TPX2: variants seen among roughly 807,000 people sequenced by gnomAD.
The protein encoded by TPX2 is TPX2 microtubule nucleation factor.
In TPX2, 21 loss-of-function variants were observed where a neutral mutation model predicts 93.6. The observed-to-expected ratio is 0.22, with a 90% CI of 0.16 to 0.32. The LOEUF (loss-of-function observed/expected upper bound fraction) is 0.32. Ranked by LOEUF, TPX2 falls within the 10% of genes least tolerant of loss-of-function variation. TPX2 has a pLI of 1.00. For missense variants in TPX2, 776 were observed against 871.1 expected (o/e 0.89, Z 1.37); for synonymous variants, 281 against 298.3 (o/e 0.94, Z 0.60).
In TPX2 at chr20:31,775,859, C is replaced by T. The variant is rs2061993381; in HGVS notation, c.609-8C>T. The T allele has an allele frequency of 1.3e-6, 2 of 1,546,152 alleles. No homozygotes were observed. The highest frequency in any genetic ancestry group is 1.4e-5 in the African/African-American group (1 of 72,382). On this transcript the variant is annotated splice_polypyrimidine_tract_variant and splice_region_variant and intron_variant, in intron 7 of 17. Coordinates refer to ENST00000300403, the MANE Select transcript of TPX2 (RefSeq NM_012112.5). Reference sequence around the variant, plus strand: ...TCCTCTCTTCTCATTTACTGATTTTCTCTTTAGGCAGAAGTTTCTAAAAAG... The same window carrying T: ...TCCTCTCTTCTCATTTACTGATTTTTTCTTTAGGCAGAAGTTTCTAAAAAG...
chr20:31,797,503 A>C lies in TPX2; in HGVS notation c.1933A>C (p.Lys645Gln), dbSNP rs1439831198. ...QEPFVPKKEK[K>Q]SVAEGLSGSL... is the part of the protein sequence containing the mutation. ...GCCCTTTGTTCCCAAGAAAGAGAAG[A>C]AATCAGTTGCTGGTAGTATTATATG... Residue 645 changes from lysine to glutamine, a missense_variant, in exon 16 of 18, where the codon AAA becomes CAA. Coordinates refer to ENST00000300403, the MANE Select transcript of TPX2 (RefSeq NM_012112.5). The C allele has an allele frequency of 6.2e-7, 1 of 1,613,948 alleles. No individual in the cohort carries two copies. Among genetic ancestry groups the C allele is most frequent in the African/African-American group, 1.3e-5 (1 of 75,030 alleles).
chr20:31,790,984 G>A (rs937664103), intron 12 of TPX2, among the ~76,000 whole-genome samples: 2 of 152,134 alleles, frequency 1.3e-5, no homozygotes, highest in African/African-American at 4.8e-5. Context: ...AAAAGTGGAG[G>A]CTTGAAAAGA....
chr20:31,769,483 T>A (rs1235771525), intron 5 of TPX2, among the ~76,000 whole-genome samples: 1 of 152,008 alleles, frequency 6.6e-6, no homozygotes, highest in Non-Finnish European at 1.5e-5. Context: ...CACGCCTGGC[T>A]AATTTTTTTT....
chr20:31,777,027 C>T (rs2062004547), intron 8 of TPX2, among the ~76,000 whole-genome samples: 1 of 152,148 alleles, frequency 6.6e-6, no homozygotes, highest in Non-Finnish European at 1.5e-5. Flanking sequence ...CACAGTTCTG[C>T]TTTGCTCGGG....
chr20:31,748,445 T>A (rs937769120), intron 2 of TPX2, among the ~76,000 whole-genome samples: 11 of 152,198 alleles, frequency 7.2e-5, no homozygotes, highest in Non-Finnish European at 8.8e-5. Context: ...ATGGATTTTT[T>A]AAAAAATTTA....
At chr20:31,764,114 GTA>G (rs1205051854) in intron 4 of TPX2, among the ~76,000 whole-genome samples, 7 of 113,588 alleles carry the variant, frequency 6.2e-5, no homozygotes, top group African/African-American at 3.1e-4. Context: ...TAATATACAT[GTA>G]TGTGTGTATA....
chr20:31,744,048 T>G (rs568737495), intron 2 of TPX2, among the ~76,000 whole-genome samples: 1 of 152,052 alleles, frequency 6.6e-6, no homozygotes, highest in Admixed American at 6.6e-5. Flanking sequence ...CCAAATATTT[T>G]TGATCTGCAG....
In TPX2 at chr20:31,786,667, G is replaced by T. The variant is rs571038486; in HGVS notation, c.1413+2746G>T. On this transcript the variant is annotated intron_variant, in intron 12 of 17. Transcript: ENST00000300403. ...AATCCACCTGCCTTGGCCTCCCAAA[G>T]TGCTAGGATAGTAGGCGTGAGCCAC... Among the ~76,000 whole-genome samples the T allele has an allele frequency of 1.2e-3, 188 of 152,310 alleles. 1 individual carries two copies. The highest frequency in any genetic ancestry group is 4.4e-3 in the African/African-American group (183 of 41,554).
Position 31,766,562 on chromosome 20 carries a change from A to G in TPX2, c.236A>G (p.Asn79Ser), listed in dbSNP as rs141337190. ...AGCTTTTGGTCTTCCGCAGTTGACA[A>G]CACTTACTACAAAGAGGCAGAAAAA... ...AIVTPLKPVD[N>S]TYYKEAEKEN... Residue 79 changes from asparagine (N) to serine (S), a missense_variant, in exon 5 of 18, where the codon AAC (asparagine) becomes AGC (serine). Coordinates refer to ENST00000300403, the MANE Select transcript of TPX2 (RefSeq NM_012112.5). The G allele has an allele frequency of 8.4e-5, 136 of 1,612,314 alleles. 2 individuals carry two copies. In the African/African-American group the frequency reaches 1.6e-3, roughly 19 times the overall value.
intron 4 of TPX2, among the ~76,000 whole-genome samples, chr20:31,764,418 C>G (rs1223877479): frequency 1.3e-5 from 2 of 152,150 alleles, no homozygotes; most frequent in Non-Finnish European, 2.9e-5. Context: ...CTCCACCCAC[C>G]TCAGCCTTCC....
At chr20:31,757,716 C>A in intron 3 of TPX2, 134 bp downstream of exon 3, 1 of 651,280 alleles carries the variant, frequency 1.5e-6, no homozygotes, top group Non-Finnish European at 2.6e-6. Flanking sequence ...ATTCTGTCAT[C>A]CATGATATTA....
At chr20:31,799,924 AGT>A (rs2062159997) in intron 17 of TPX2, among the ~76,000 whole-genome samples, 1 of 145,594 alleles carries the variant, frequency 6.9e-6, no homozygotes, top group Non-Finnish European at 1.5e-5. Context: ...AAAAAAAAGA[AGT>A]GTAAGTTGTT....
chr20:31,798,305 G>A (rs190200182), intron 16 of TPX2, 60 bp from the exon 17 acceptor site: 292 of 1,604,452 alleles, frequency 1.8e-4, no homozygotes, highest in Non-Finnish European at 2.3e-4. Flanking sequence ...TCATTCCAGG[G>A]GGCGTAGGTT....
chr20:31,759,358 G>T (rs2061872696), intron 3 of TPX2, among the ~76,000 whole-genome samples: 1 of 143,586 alleles, frequency 7.0e-6, no homozygotes, highest in African/African-American at 2.6e-5. Flanking sequence ...AGTATCTCTT[G>T]TAAGCCCTAC....
chr20:31,767,297 G>C (rs936065450), intron 5 of TPX2, among the ~76,000 whole-genome samples: 8 of 152,142 alleles, frequency 5.3e-5, no homozygotes, highest in African/African-American at 1.9e-4. Context: ...TGTTTCCAAA[G>C]GCCTTGTATG....
At position 31,744,418 on chromosome 20, in the gene TPX2, A is replaced by G. The variant is rs369064491; in HGVS notation, c.-71+1771A>G. On this transcript the variant is annotated intron_variant, in intron 2 of 17. Transcript: ENST00000300403. The stretch of plus-strand genomic sequence containing the variant: ...CATGATCTGCCCACCTCGGCCTCCC[A>G]AAGTGCTGGGATTGAGGCTTGAGCC... Among the ~76,000 whole-genome samples, 6 of 152,034 alleles carry G rather than the reference A, an allele frequency of 3.9e-5. No homozygotes were observed. In the East Asian group the frequency reaches 9.6e-4, roughly 24 times the overall value.
At chr20:31,769,152 A>G (rs768747863) in intron 5 of TPX2, among the ~76,000 whole-genome samples, 7 of 152,040 alleles carry the variant, frequency 4.6e-5, no homozygotes, top group Non-Finnish European at 1.0e-4. Flanking sequence ...ACATGTATAC[A>G]TATGTAACTA....
chr20:31,745,980 A>G (rs1019587511), intron 2 of TPX2, among the ~76,000 whole-genome samples: 4 of 152,238 alleles, frequency 2.6e-5, no homozygotes, highest in African/African-American at 9.6e-5. Flanking sequence ...AATCCTTAAA[A>G]AAGGGCAATA....
At chr20:31,776,050 G>GGTTT (rs2061995504) in intron 8 of TPX2, 62 bp downstream of exon 8, 1 of 325,920 alleles carries the variant, frequency 3.1e-6, no homozygotes, top group Non-Finnish European at 4.1e-6. Flanking sequence ...CTTGGTAGGT[G>GGTTT]TTTTTTTTTT....
Sources: allele counts gnomAD v4.1 joint callset (sites outside exome capture counted in the v4.1 genomes callset), GRCh38; gene constraint gnomAD v4.1.1; transcripts MANE v1.5; gene names NCBI Gene and HGNC (gene_info 2026-07-23, HGNC 2026-07-21).